The following SAMSN1 variants were observed in gnomAD, a reference collection of about 807,000 sequenced individuals.
SAMSN1 encodes SAM domain, SH3 domain and nuclear localization signals 1.
In SAMSN1, 31 loss-of-function variants were observed where a neutral mutation model predicts 42.0. That is an observed-to-expected ratio of 0.74 (90% CI 0.55 to 1.00). The LOEUF is 1.00. Among genes scored for constraint, SAMSN1 ranks in the 50% least tolerant of loss-of-function variants. SAMSN1 has a pLI of 0.00. For missense variants in SAMSN1, 464 were observed against 439.4 expected (o/e 1.06, Z -0.50); for synonymous variants, 178 against 151.9 (o/e 1.17, Z -1.26).
chr21:14,559,417 G>GA (rs946816849), intron 2 of SAMSN1, among the ~76,000 whole-genome samples: 8 of 152,142 alleles, frequency 5.3e-5, no homozygotes, highest in Admixed American at 1.3e-4. Flanking sequence ...CACCACCTTG[G>GA]AAAACCCTAA....
At chr21:14,538,296 A>G (rs528055252) in intron 1 of SAMSN1, among the ~76,000 whole-genome samples, 1 of 152,324 alleles carries the variant, frequency 6.6e-6, no homozygotes, top group Non-Finnish European at 1.5e-5. Flanking sequence ...TTCAACAAAA[A>G]TTGTACCCCA....
At chr21:14,626,144 A>C (rs1172228464) in intron 2 of SAMSN1, among the ~76,000 whole-genome samples, 1 of 152,206 alleles carries the variant, frequency 6.6e-6, no homozygotes, top group Non-Finnish European at 1.5e-5. Context: ...TGGATTAAAG[A>C]CTTACATGTC....
At chr21:14,592,602 A>T in intron 7 of SAMSN1, 1 of 368,354 alleles carries the variant, frequency 2.7e-6, no homozygotes, top group South Asian at 2.0e-5. Flanking sequence ...TTGACTACAT[A>T]AGTATCTTCT....
At chr21:14,596,792 G>C (rs911595199) in intron 6 of SAMSN1, among the ~76,000 whole-genome samples, 9 of 152,098 alleles carry the variant, frequency 5.9e-5, no homozygotes, top group African/African-American at 2.2e-4. Flanking sequence ...CAAGCCTTCA[G>C]ATAACACCTT....
chr21:14,612,555 T>A (rs1982735096), intron 4 of SAMSN1: 1 of 478,434 alleles, frequency 2.1e-6, no homozygotes, highest in East Asian at 6.0e-5. Flanking sequence ...TCTAAAATGA[T>A]CTCTAACAAG....
chr21:14,603,541 C>T (rs576674791), intron 5 of SAMSN1, among the ~76,000 whole-genome samples: 1 of 152,158 alleles, frequency 6.6e-6, no homozygotes, highest in African/African-American at 2.4e-5. Context: ...TTCCATGAAC[C>T]CTGGCCTATT....
At chr21:14,625,466 C>T (rs1983140943) in intron 2 of SAMSN1, among the ~76,000 whole-genome samples, 1 of 152,194 alleles carries the variant, frequency 6.6e-6, no homozygotes, top group Non-Finnish European at 1.5e-5. Context: ...AAATCACAAG[C>T]ATTCTTATAC....
At position 14,650,381 on chromosome 21, in the gene SAMSN1, G is replaced by A. The variant is rs960765791; in HGVS notation, c.25-7248C>T. On this transcript the variant is annotated intron_variant, in intron 1 of 15. Transcript: ENST00000647101. Reference sequence around the variant, plus strand: ...ATAAAACCAGAAACTAATAAGAATAGGAATTTTGGAAACTATACAACATGG... The same window carrying A: ...ATAAAACCAGAAACTAATAAGAATAAGAATTTTGGAAACTATACAACATGG... Among the ~76,000 whole-genome samples the A allele has an allele frequency of 4.6e-5, 7 of 152,108 alleles. No individual in the cohort carries two copies. The Middle Eastern group carries it at 0.01, about 222-fold the overall frequency.
At chr21:14,533,086 T>A (rs1290535736) in intron 1 of SAMSN1, among the ~76,000 whole-genome samples, 1 of 151,512 alleles carries the variant, frequency 6.6e-6, no homozygotes, top group Admixed American at 6.6e-5. Flanking sequence ...CTAACTTTTA[T>A]TTTTTTTATT....
chr21:14,542,943 C>T (rs537347017), intron 1 of SAMSN1, among the ~76,000 whole-genome samples: 1 of 152,246 alleles, frequency 6.6e-6, no homozygotes, highest in Admixed American at 6.5e-5. Context: ...CAGAGCAAGA[C>T]TCTGTTTCCA....
intron 7 of SAMSN1, among the ~76,000 whole-genome samples, chr21:14,495,280 A>T (rs754570007): frequency 1.3e-5 from 2 of 152,232 alleles, no homozygotes; most frequent in Non-Finnish European, 2.9e-5. Flanking sequence ...TGATTCACAG[A>T]GTAGAAAATA....
chr21:14,656,570 C>T (rs1007731426), intron 1 of SAMSN1, among the ~76,000 whole-genome samples: 2 of 151,746 alleles, frequency 1.3e-5, no homozygotes, highest in African/African-American at 2.4e-5. Flanking sequence ...ACGTAAAACT[C>T]TAAGAAAAAT....
intron 5 of SAMSN1, among the ~76,000 whole-genome samples, chr21:14,606,974 G>A (rs2123314439): frequency 6.6e-6 from 1 of 152,234 alleles, no homozygotes; most frequent in East Asian, 1.9e-4. Flanking sequence ...TTAATATAAT[G>A]TGTTAATGTA....
At chr21:14,517,435 G>C (rs919641528) in intron 2 of SAMSN1, among the ~76,000 whole-genome samples, 1 of 152,206 alleles carries the variant, frequency 6.6e-6, no homozygotes, top group Non-Finnish European at 1.5e-5. Context: ...GGAAGCTTTA[G>C]ATAGGCTGTA....
chr21:14,551,429 C>T (rs977874647), intron 2 of SAMSN1, among the ~76,000 whole-genome samples: 1 of 151,984 alleles, frequency 6.6e-6, no homozygotes, highest in African/African-American at 2.4e-5. Flanking sequence ...TAAGAGAAGA[C>T]TGGGTACCAA....
intron 1 of SAMSN1, among the ~76,000 whole-genome samples, chr21:14,643,558 A>G (rs1456906560): frequency 6.6e-6 from 1 of 152,210 alleles, no homozygotes; most frequent in Non-Finnish European, 1.5e-5. Context: ...AGTCTGCTCT[A>G]CTTAGCTTTC....
chr21:14,579,024 G>GA (rs997243947), intron 2 of SAMSN1, among the ~76,000 whole-genome samples: 1 of 151,662 alleles, frequency 6.6e-6, no homozygotes, highest in African/African-American at 2.4e-5. Context: ...AATTACTATT[G>GA]AAAAAAATAC....
Position 14,658,261 on chromosome 21 carries a change from A to G in SAMSN1, c.24+487T>C, listed in dbSNP as rs181449048. Among the ~76,000 whole-genome samples, 212 of 151,936 alleles carry G rather than the reference A, an allele frequency of 1.4e-3. 1 individual carries two copies. The highest frequency in any genetic ancestry group is 4.6e-3 in the African/African-American group (190 of 41,490). On this transcript the variant is annotated intron_variant, in intron 1 of 15. Transcript: ENST00000647101. Reference sequence around the variant, plus strand: ...CACATCTCCAGGACTGGATTAATCTATTGTACCTTGCATTTACAGTGTGGT... The same window carrying G: ...CACATCTCCAGGACTGGATTAATCTGTTGTACCTTGCATTTACAGTGTGGT...
At chr21:14,533,284 C>T in intron 1 of SAMSN1, among the ~76,000 whole-genome samples, 1 of 152,090 alleles carries the variant, frequency 6.6e-6, no homozygotes, top group East Asian at 1.9e-4. Flanking sequence ...GGAAAAAAAA[C>T]CCCAGAAAAT....
Sources: allele counts gnomAD v4.1 joint callset (sites outside exome capture counted in the v4.1 genomes callset), GRCh38; gene constraint gnomAD v4.1.1; transcripts MANE v1.5; gene names NCBI Gene and HGNC (gene_info 2026-07-23, HGNC 2026-07-21).